INPP5B: variants seen among roughly 807,000 people sequenced by gnomAD.
INPP5B encodes the protein type II inositol 1,4,5-trisphosphate 5-phosphatase.
Under a neutral mutation model 118.5 loss-of-function variants are expected in INPP5B, and 90 were observed. That is an observed-to-expected ratio of 0.76 (90% CI 0.64 to 0.90). The LOEUF (loss-of-function observed/expected upper bound fraction) is 0.90, where lower values mean the gene tolerates loss of function less well. Among genes scored for constraint, INPP5B ranks in the 40% least tolerant of loss-of-function variants. The pLI, the probability that INPP5B is intolerant of heterozygous loss-of-function variation, is 0.00. For missense variants in INPP5B, 984 were observed against 1,125.6 expected (o/e 0.87, Z 1.80); for synonymous variants, 385 against 418.9 (o/e 0.92, Z 0.99).
At chr1:37,928,832 T>C (rs1346493631) in intron 7 of INPP5B, 1 of 152,184 alleles carries the variant, frequency 6.6e-6, no homozygotes, top group Non-Finnish European at 1.5e-5. Context: ...TTGGTTTCTC[T>C]AGGCTATCAA....
At chr1:37,931,780 C>G (rs752122661) in intron 7 of INPP5B, 133 bp downstream of exon 7, 1 of 1,605,576 alleles carries the variant, frequency 6.2e-7, no homozygotes, top group East Asian at 2.2e-5. Flanking sequence ...CCAGACGAAC[C>G]CGCCCCCGTG....
chr1:37,898,261 G>C (rs1644196925), intron 7 of INPP5B, among the ~76,000 whole-genome samples: 1 of 152,150 alleles, frequency 6.6e-6, no homozygotes, highest in Non-Finnish European at 1.5e-5. Context: ...GGTTGCCAGG[G>C]GTTTTGGGGG....
intron 17 of INPP5B, among the ~76,000 whole-genome samples, chr1:37,874,888 C>T (rs1011509037): frequency 8.5e-5 from 13 of 152,190 alleles, no homozygotes; most frequent in African/African-American, 3.1e-4. Flanking sequence ...TGTGGCTCTT[C>T]CATGAAAAAC....
intron 14 of INPP5B, among the ~76,000 whole-genome samples, chr1:37,880,423 T>TTTTTTTTTTTTATTTATTTA (rs373379144): frequency 1.3e-5 from 2 of 149,732 alleles, no homozygotes; most frequent in Non-Finnish European, 3.0e-5. Flanking sequence ...GTTTTTAATG[T>TTTTTTTTTTTTATTTATTTA]TTTATTTATT....
At chr1:37,929,922 C>G (rs997225919) in intron 7 of INPP5B, 1 of 152,144 alleles carries the variant, frequency 6.6e-6, no homozygotes, top group South Asian at 2.1e-4. Flanking sequence ...TTAGTAGTGA[C>G]GGAGTTTCGC....
At chr1:37,891,272 C>A (rs1333484506) in intron 8 of INPP5B, 86 bp downstream of exon 8, 1 of 876,338 alleles carries the variant, frequency 1.1e-6, no homozygotes, top group South Asian at 1.6e-5. Flanking sequence ...TACCCTGGGA[C>A]AACTTACATT....
chr1:37,886,956 G>C lies in INPP5B; in HGVS notation c.1063C>G (p.Gln355Glu). 2.5e-6 allele frequency: 4 copies of C among 1,614,152 alleles called. No individual in the cohort carries two copies. Among genetic ancestry groups the C allele is most frequent in the Non-Finnish European group, 2.5e-6 (3 of 1,180,024 alleles). Residue 355 changes from glutamine to glutamate, a missense_variant, in exon 12 of 24, where the codon CAG (glutamine) becomes GAG (glutamate). This residue lies in a region of INPP5B where 634 missense variants were observed against 791.0 expected (regional missense o/e 0.80). Coordinates refer to ENST00000373024, the MANE Select transcript of INPP5B (RefSeq NM_005540.3). ...VGIMLLLYVK[Q>E]EHAAYISEVE... ...TCTGAGATATAAGCTGCATGCTCCT[G>C]TTTGACATATAACAGCAGCATAATC... is the stretch of plus-strand genomic sequence containing the variant.
At chr1:37,917,678 C>G (rs1321944524) in intron 7 of INPP5B, among the ~76,000 whole-genome samples, 1 of 152,002 alleles carries the variant, frequency 6.6e-6, no homozygotes, top group South Asian at 2.1e-4. Context: ...GCCTGTAATC[C>G]CAGCACTTTG....
chr1:37,888,227 G>A lies in INPP5B; in HGVS notation c.899+16C>T. On this transcript the variant is annotated intron_variant, in intron 10 of 23. Coordinates refer to ENST00000373024, the MANE Select transcript of INPP5B (RefSeq NM_005540.3). Reference sequence around the variant, plus strand: ...GTGCTTGAAGATGGAGAGGGGACTAGAAGAGAAGCACTCACCCTACACAAT... The same window carrying A: ...GTGCTTGAAGATGGAGAGGGGACTAAAAGAGAAGCACTCACCCTACACAAT... 1 of 1,452,160 alleles carries A rather than the reference G, an allele frequency of 6.9e-7. No homozygotes were observed. The highest frequency in any genetic ancestry group is 9.2e-7 in the Non-Finnish European group (1 of 1,086,352). The allele number at this position is 1,452,160 out of a possible 1,614,324, so 90.0% of individuals were successfully genotyped here.
rs767442521 is a variant in INPP5B, at chr1:37,875,607, T to G, written c.1787A>C (p.Glu596Ala). 6.2e-7 allele frequency: 1 copy of G among 1,610,948 alleles called. No homozygotes were observed. The highest frequency in any genetic ancestry group is 8.5e-7 in the Non-Finnish European group (1 of 1,177,118). Residue 596 changes from glutamate to alanine, a missense_variant and splice_region_variant, in exon 17 of 24, where the codon GAG becomes GCG. Coordinates refer to ENST00000373024, the MANE Select transcript of INPP5B (RefSeq NM_005540.3). ...NIPSVSLSKR[E>A]FCFQNVKYMQ... ...ATATTCTTAACATGTCCTTCCTACC[T>G]CTCGCTTGGACAGGGACACAGAAGG... is the stretch of plus-strand genomic sequence containing the variant.
intron 7 of INPP5B, among the ~76,000 whole-genome samples, chr1:37,898,183 T>C (rs373934176): frequency 1.3e-5 from 2 of 152,286 alleles, no homozygotes; most frequent in Admixed American, 1.3e-4. Context: ...AAAGGCTATT[T>C]ATTATATGAT....
At chr1:37,865,458 C>A (rs1641970704) in intron 22 of INPP5B, among the ~76,000 whole-genome samples, 1 of 152,104 alleles carries the variant, frequency 6.6e-6, no homozygotes, top group African/African-American at 2.4e-5. Flanking sequence ...ATGCAGGGCA[C>A]TGAACCAAGC....
chr1:37,945,241 G>A (rs930863831), intron 3 of INPP5B, among the ~76,000 whole-genome samples: 2 of 152,176 alleles, frequency 1.3e-5, no homozygotes, highest in Non-Finnish European at 1.5e-5. Flanking sequence ...GACCAGCCTG[G>A]CCAACGTGGT....
intron 22 of INPP5B, among the ~76,000 whole-genome samples, chr1:37,865,402 A>G (rs1025067612): frequency 2.0e-5 from 3 of 152,218 alleles, no homozygotes; most frequent in Non-Finnish European, 2.9e-5. Flanking sequence ...TAGAATACAC[A>G]ATCTGATGGC....
At chr1:37,926,032 C>T (rs1645215164) in intron 7 of INPP5B, among the ~76,000 whole-genome samples, 3 of 152,142 alleles carry the variant, frequency 2.0e-5, no homozygotes, top group Admixed American at 1.3e-4. Context: ...ATATGTTGGT[C>T]ACACAAGTTT....
chr1:37,932,568 C>G (rs931062787), intron 6 of INPP5B, among the ~76,000 whole-genome samples: 1 of 151,962 alleles, frequency 6.6e-6, no homozygotes, highest in Non-Finnish European at 1.5e-5. Flanking sequence ...GGGGTTTCAC[C>G]GTATTAGCCA....
chr1:37,911,900 T>C (rs555461772), intron 7 of INPP5B, among the ~76,000 whole-genome samples: 4 of 152,316 alleles, frequency 2.6e-5, no homozygotes, highest in Admixed American at 2.6e-4. Context: ...GCAGCTAGCT[T>C]TCCAACTTCT....
At position 37,862,259 on chromosome 1, in the gene INPP5B, G is replaced by C; in HGVS notation, c.*56C>G. 8.7e-7 allele frequency: 1 copy of C among 1,155,422 alleles called. No individual in the cohort carries two copies. 71.6% of individuals were successfully genotyped at this position (1,155,422 alleles called of 1,614,324 possible). A position where few individuals can be genotyped will look rare whatever the true frequency, so the allele number is the denominator to read the frequency against. On this transcript the variant is annotated 3_prime_UTR_variant, in exon 24 of 24. Transcript: ENST00000373024. ...ATTATCTTAAGGCATCTCTTGAGCT[G>C]AAACAGGTGGGGCTGGTAATTGGCA...
intron 16 of INPP5B, among the ~76,000 whole-genome samples, chr1:37,877,389 A>G (rs545150149): frequency 6.6e-5 from 10 of 152,260 alleles, no homozygotes; most frequent in African/African-American, 2.2e-4. Context: ...CTGATCTCAT[A>G]GGTAATCAGG....
Sources: gnomAD v4.1 joint callset for allele counts (sites outside exome capture counted in the v4.1 genomes callset) on GRCh38, gnomAD v4.1.1 for gene constraint, gnomAD v4.1.1 regional missense constraint, MANE v1.5 for transcripts, NCBI Gene and HGNC (gene_info 2026-07-23, HGNC 2026-07-21) for gene names.